The following SPIDR variants were observed in gnomAD, a reference collection of about 807,000 sequenced individuals.
SPIDR encodes the protein scaffold protein involved in DNA repair.
A neutral mutation model predicts 104.6 loss-of-function variants in SPIDR; 93 were observed. The ratio of observed to expected loss-of-function variants is 0.89; its 90% CI spans 0.75 to 1.06. SPIDR has a LOEUF of 1.06. Ranked by LOEUF, SPIDR falls within the 50% of genes least tolerant of loss-of-function variation. The probability of loss-of-function intolerance (pLI) is 0.00; values close to 1 mark genes in which losing one functional copy is unlikely to be tolerated. For synonymous variants in SPIDR, 431 were observed against 416.9 expected, an observed-to-expected ratio of 1.03 and a Z score of -0.41; for missense variants, 1,154 against 1,111.2, an observed-to-expected ratio of 1.04 and a Z score of -0.55.
At chr8:47,673,577 TA>T in intron 10 of SPIDR, 4 of 591,198 alleles carry the variant, frequency 6.8e-6, no homozygotes, top group Non-Finnish European at 9.0e-6. Flanking sequence ...ACAGAAAGGA[TA>T]TCTTGAATTC....
At chr8:47,270,569 T>C (rs2035093100) in intron 1 of SPIDR, among the ~76,000 whole-genome samples, 1 of 152,144 alleles carries the variant, frequency 6.6e-6, no homozygotes, top group Non-Finnish European at 1.5e-5. Context: ...TTGTCAATTT[T>C]GTTGATCTTT....
intron 8 of SPIDR, among the ~76,000 whole-genome samples, chr8:47,568,093 A>T (rs1012198298): frequency 6.6e-6 from 1 of 151,890 alleles, no homozygotes; most frequent in African/African-American, 2.4e-5. Context: ...TTATTTTCAA[A>T]ATGTATAACA....
intron 8 of SPIDR, among the ~76,000 whole-genome samples, chr8:47,578,988 T>TATTTCTGA (rs2059430722): frequency 6.6e-6 from 1 of 152,240 alleles, no homozygotes; most frequent in Non-Finnish European, 1.5e-5. Flanking sequence ...TTAAACTTCT[T>TATTTCTGA]ATTTCTGAAA....
chr8:47,292,737 G>GCATGCAT (rs1473048554), intron 4 of SPIDR, among the ~76,000 whole-genome samples: 1 of 152,060 alleles, frequency 6.6e-6, no homozygotes, highest in African/African-American at 2.4e-5. Flanking sequence ...TTATTTCATA[G>GCATGCAT]CATGCATCAC....
intron 6 of SPIDR, among the ~76,000 whole-genome samples, chr8:47,398,651 A>G (rs1470277789): frequency 2.6e-5 from 4 of 152,178 alleles, no homozygotes; most frequent in Non-Finnish European, 2.9e-5. Context: ...TAGTGGGACT[A>G]TGGGTCTGCA....
At chr8:47,331,986 T>TTTTC (rs2048789874) in intron 5 of SPIDR, among the ~76,000 whole-genome samples, 6 of 38,682 alleles carry the variant, frequency 1.6e-4, no homozygotes, top group Non-Finnish European at 1.9e-4. Flanking sequence ...TTTTTTTTTT[T>TTTTC]CTCTTTTTTT....
chr8:47,729,058 G>T lies in SPIDR; in HGVS notation c.2550+11G>T, dbSNP rs531559864. ...AGAGTGAAGGTCAAGGTAGGAGCCA[G>T]GCCAGAGCACGCACGCACTCCTAGC... is the stretch of plus-strand genomic sequence containing the variant. On this transcript the variant is annotated intron_variant, in intron 18 of 19. Transcript: ENST00000297423. The T allele has an allele frequency of 1.0e-4, 163 of 1,613,604 alleles. No homozygotes were observed. The East Asian group carries it at 3.4e-3, about 34-fold the overall frequency.
chr8:47,442,392 T>A (rs2069609593), intron 8 of SPIDR, among the ~76,000 whole-genome samples: 1 of 152,230 alleles, frequency 6.6e-6, no homozygotes, highest in Admixed American at 6.5e-5. Context: ...CCTATTTTTC[T>A]ATAATAAGTT....
chr8:47,367,603 A>C lies in SPIDR; in HGVS notation c.526-28773A>C, dbSNP rs139546540. ...TTATATAAACTCACAAATTTAAGACAGTGGGAATATGGGACTAGAAAGAAG... is the reference window on the plus strand; with the variant it reads ...TTATATAAACTCACAAATTTAAGACCGTGGGAATATGGGACTAGAAAGAAG... On this transcript the variant is annotated intron_variant, in intron 5 of 19. Coordinates refer to ENST00000297423, the MANE Select transcript of SPIDR (RefSeq NM_001080394.4). 1.3e-3 allele frequency among the ~76,000 whole-genome samples: 202 copies of C among 152,364 alleles called. 1 individual carries two copies. The highest frequency in any genetic ancestry group is 4.7e-3 in the African/African-American group (194 of 41,588).
intron 5 of SPIDR, among the ~76,000 whole-genome samples, chr8:47,362,621 T>C (rs961048676): frequency 6.6e-6 from 1 of 152,206 alleles, no homozygotes; most frequent in Non-Finnish European, 1.5e-5. Context: ...AGAGAAGGAA[T>C]GAACACTCAT....
intron 8 of SPIDR, among the ~76,000 whole-genome samples, chr8:47,586,246 C>G (rs924219235): frequency 1.3e-5 from 2 of 151,980 alleles, no homozygotes; most frequent in Non-Finnish European, 2.9e-5. Context: ...AGATAAATGC[C>G]CAGGAGTACA....
At chr8:47,395,136 G>A (rs1484641182) in intron 5 of SPIDR, among the ~76,000 whole-genome samples, 2 of 151,918 alleles carry the variant, frequency 1.3e-5, no homozygotes, top group Non-Finnish European at 1.5e-5. Context: ...ATCACTTGAG[G>A]TCAGGAGTTC....
chr8:47,723,023 T>A (rs1390140666), intron 16 of SPIDR, among the ~76,000 whole-genome samples: 10 of 151,688 alleles, frequency 6.6e-5, no homozygotes. Flanking sequence ...TTTGTTGTTG[T>A]TATTGTTGTT....
chr8:47,489,585 T>C (rs1564119741), intron 8 of SPIDR, among the ~76,000 whole-genome samples: 1 of 152,210 alleles, frequency 6.6e-6, no homozygotes, highest in Non-Finnish European at 1.5e-5. Context: ...AGCATCACAC[T>C]ATTTGACTTT....
intron 11 of SPIDR, among the ~76,000 whole-genome samples, chr8:47,695,733 C>G (rs368490728): frequency 3.2e-4 from 48 of 152,302 alleles, no homozygotes; most frequent in African/African-American, 1.1e-3. Context: ...GTTGCCCTTA[C>G]TTTGAATGGT....
chr8:47,623,798 C>T (rs1231318215), intron 10 of SPIDR, among the ~76,000 whole-genome samples: 1 of 152,190 alleles, frequency 6.6e-6, no homozygotes, highest in East Asian at 1.9e-4. Context: ...GAGACTTTAA[C>T]ACCCCACTGT....
chr8:47,479,087 G>A (rs1324034942), intron 8 of SPIDR, among the ~76,000 whole-genome samples: 10 of 152,118 alleles, frequency 6.6e-5, no homozygotes, highest in Admixed American at 3.3e-4. Context: ...GGGGCGGGGT[G>A]CAGTGGCTCA....
intron 7 of SPIDR, among the ~76,000 whole-genome samples, chr8:47,422,788 C>A (rs1467857496): frequency 1.3e-5 from 2 of 152,150 alleles, no homozygotes; most frequent in East Asian, 1.9e-4. Flanking sequence ...TCTTTCTAGG[C>A]TTAAGAAATT....
intron 8 of SPIDR, among the ~76,000 whole-genome samples, chr8:47,455,742 A>G (rs2072837280): frequency 6.6e-6 from 1 of 152,210 alleles, no homozygotes; most frequent in African/African-American, 2.4e-5. Context: ...TTAAATCTAA[A>G]AAAGTTTACA....
Sources: gnomAD v4.1 joint callset for allele counts (sites outside exome capture counted in the v4.1 genomes callset) on GRCh38, gnomAD v4.1.1 for gene constraint, MANE v1.5 for transcripts, NCBI Gene and HGNC (gene_info 2026-07-23, HGNC 2026-07-21) for gene names.